TUSC3: variants seen among roughly 807,000 people sequenced by gnomAD.
TUSC3 encodes dolichyl-diphosphooligosaccharide--protein glycosyltransferase subunit TUSC3.
TUSC3 carries 45 observed loss-of-function variants against 44.8 expected under a neutral mutation model. The ratio of observed to expected loss-of-function variants is 1.00; its 90% CI spans 0.79 to 1.29. The LOEUF (loss-of-function observed/expected upper bound fraction) is 1.29, where lower values mean the gene tolerates loss of function less well. Ranked by LOEUF, TUSC3 falls within the 50% of genes most tolerant of loss-of-function variation. The pLI is 0.00. For synonymous variants in TUSC3, 212 were observed against 152.9 expected, an observed-to-expected ratio of 1.39 and a Z score of -2.85; for missense variants, 519 against 437.9, an observed-to-expected ratio of 1.19 and a Z score of -1.65.
At chr8:15,612,954 T>C (rs1252715580) in intron 1 of TUSC3, among the ~76,000 whole-genome samples, 1 of 151,810 alleles carries the variant, frequency 6.6e-6, no homozygotes, top group Non-Finnish European at 1.5e-5. Flanking sequence ...CAGTTAATGT[T>C]CACAGAAACA....
At chr8:15,525,311 A>G (rs1243081038) in intron 2 of TUSC3, among the ~76,000 whole-genome samples, 1 of 151,880 alleles carries the variant, frequency 6.6e-6, no homozygotes, top group Non-Finnish European at 1.5e-5. Context: ...TGGCTCTCTG[A>G]GACAAAGTTT....
intron 1 of TUSC3, among the ~76,000 whole-genome samples, chr8:15,599,745 G>C (rs1804208054): frequency 7.0e-6 from 1 of 143,404 alleles, no homozygotes; most frequent in African/African-American, 2.6e-5. Flanking sequence ...ATGTCAGTCT[G>C]TTTCTTAGCC....
intron 1 of TUSC3, among the ~76,000 whole-genome samples, chr8:15,417,590 C>T (rs983866324): frequency 6.6e-6 from 1 of 152,144 alleles, no homozygotes. Flanking sequence ...GCAATTTAAA[C>T]GCTTACTCTA....
exon 2 of TUSC3, chr8:15,483,403 C>T (rs1800689691): frequency 1.1e-5 from 2 of 184,980 alleles, no homozygotes; most frequent in South Asian, 1.1e-4. Context: ...TACAATGGCA[C>T]CATCTCGACT....
intron 1 of TUSC3, among the ~76,000 whole-genome samples, chr8:15,472,854 A>G (rs889176808): frequency 6.6e-6 from 1 of 152,216 alleles, no homozygotes; most frequent in African/African-American, 2.4e-5. Flanking sequence ...GAGAATGACT[A>G]TGTTTATGGT....
intron 2 of TUSC3, among the ~76,000 whole-genome samples, chr8:15,492,549 T>A (rs1800822812): frequency 6.6e-6 from 1 of 152,112 alleles, no homozygotes; most frequent in South Asian, 2.1e-4. Context: ...GAGACCTATT[T>A]CTGGAAGTGT....
chr8:15,775,663 C>T, the TUSC3 span, among the ~76,000 whole-genome samples: 1 of 145,182 alleles, frequency 6.9e-6, no homozygotes, highest in Admixed American at 6.9e-5. Flanking sequence ...CACACATATA[C>T]ATATATACAC....
chr8:15,566,609 G>T (rs7825421), intron 1 of TUSC3, among the ~76,000 whole-genome samples: 11,062 of 100,088 alleles, frequency 0.11, 625 homozygotes, highest in East Asian at 0.33. Context: ...ACATTTTTTT[G>T]TTGTTGTTGT....
chr8:15,483,121 T>C (rs1434071577), intron 1 of TUSC3, among the ~76,000 whole-genome samples: 1 of 152,162 alleles, frequency 6.6e-6, no homozygotes, highest in African/African-American at 2.4e-5. Context: ...AAAAGAATAA[T>C]TTGAGAGGAA....
chr8:15,827,765 C>T, the TUSC3 span, among the ~76,000 whole-genome samples: 2 of 152,050 alleles, frequency 1.3e-5, no homozygotes, highest in Non-Finnish European at 2.9e-5. Context: ...TCACTGATAA[C>T]TGATTTGGAT....
intron 6 of TUSC3, among the ~76,000 whole-genome samples, chr8:15,677,996 G>A (rs1247559747): frequency 6.6e-6 from 1 of 152,176 alleles, no homozygotes; most frequent in Non-Finnish European, 1.5e-5. Flanking sequence ...GGAGGTTAAG[G>A]AAACATGGGA....
In TUSC3 at chr8:15,553,644, G is replaced by A. The variant is rs140200960; in HGVS notation, c.138+13076G>A. Among the ~76,000 whole-genome samples the A allele has an allele frequency of 2.7e-3, 405 of 151,848 alleles. 3 individuals are homozygous for A. The highest frequency in any genetic ancestry group is 9.3e-3 in the African/African-American group (387 of 41,524). ...ATTTAGCAAGAACGGCTTCATTGCA[G>A]TGTTACAGTGAACACTAGAATGTGG... is the stretch of plus-strand genomic sequence containing the variant. On this transcript the variant is annotated intron_variant, in intron 1 of 10. Transcript: ENST00000503731.
At chr8:15,523,395 C>A (rs78236660) in intron 2 of TUSC3, among the ~76,000 whole-genome samples, 1 of 151,816 alleles carries the variant, frequency 6.6e-6, no homozygotes, top group Non-Finnish European at 1.5e-5. Context: ...TTGCAGTATC[C>A]TTTGTGTTTT....
Position 15,757,806 on chromosome 8 carries a change from G to T in TUSC3, c.1044G>T (p.Glu348Asp), listed in dbSNP as rs146362846. The change falls in exon 10 of 11, where the codon GAG becomes GAT. Residue 348 changes from glutamate (E) to aspartate (D), a missense_variant. Transcript: ENST00000503731. Reference sequence around the variant, plus strand: ...TATTGGAAAGTGATCTGGACTTTGAGTGAGAAGATGTGATTTGGACCATGG... The same window carrying T: ...TATTGGAAAGTGATCTGGACTTTGATTGAGAAGATGTGATTTGGACCATGG... Reference protein sequence around the residue: ...HGYPYSDLDFE With the variant: ...HGYPYSDLDFD 4.8e-5 allele frequency: 68 copies of T among 1,423,008 alleles called. No individual in the cohort carries two copies. The highest frequency in any genetic ancestry group is 6.5e-5 in the Non-Finnish European group (65 of 1,005,978). The allele number at this position is 1,423,008 out of a possible 1,614,324, so 88.1% of individuals were successfully genotyped here. A position where few individuals can be genotyped will look rare whatever the true frequency, so the allele number is the denominator to read the frequency against.
the TUSC3 span, among the ~76,000 whole-genome samples, chr8:15,840,055 T>G: frequency 2.6e-5 from 4 of 151,988 alleles, no homozygotes; most frequent in African/African-American, 9.7e-5. Context: ...CCATAAAAAA[T>G]GATGAGTTCA....
At chr8:15,640,763 C>G (rs898025130) in intron 2 of TUSC3, among the ~76,000 whole-genome samples, 1 of 152,026 alleles carries the variant, frequency 6.6e-6, no homozygotes, top group Non-Finnish European at 1.5e-5. Flanking sequence ...TCTCCTGGAT[C>G]CAAGGGGAGA....
rs539067073 is a variant in TUSC3 at position 15,503,098 on chromosome 8, A to G, written n.189+19615A>G. On this transcript the variant is annotated intron_variant and non_coding_transcript_variant, in intron 2 of 5. Transcript: ENST00000503191. ...TTATATGCTGAAGTCTTAAATCCCCAGAACCTCGGAATGTGAGTGTATTTG... is the reference window on the plus strand; with the variant it reads ...TTATATGCTGAAGTCTTAAATCCCCGGAACCTCGGAATGTGAGTGTATTTG... 2.2e-4 allele frequency among the ~76,000 whole-genome samples: 33 copies of G among 152,336 alleles called. No homozygotes were observed. In the South Asian group the frequency reaches 6.2e-3, roughly 29 times the overall value.
chr8:15,566,339 A>G lies in TUSC3; in HGVS notation c.138+25771A>G, dbSNP rs78555516. ...ATTAATTTTTTCCTGGAGCTCAGAA[A>G]CGGATTTTAGTGGTTGGCGTTTTGA... is the stretch of plus-strand genomic sequence containing the variant. On this transcript the variant is annotated intron_variant, in intron 1 of 10. Coordinates refer to ENST00000503731, the MANE Select transcript of TUSC3 (RefSeq NM_006765.4). Among the ~76,000 whole-genome samples, 14 of 152,216 alleles carry G rather than the reference A, an allele frequency of 9.2e-5. No homozygotes were observed. In the East Asian group the frequency reaches 2.3e-3, roughly 25 times the overall value.
chr8:15,572,710 G>A (rs78663734), intron 1 of TUSC3, among the ~76,000 whole-genome samples: 4,069 of 152,178 alleles, frequency 0.027, 176 homozygotes, highest in African/African-American at 0.092. Flanking sequence ...TGAACACCTA[G>A]AGGTCATTGT....
Sources: gnomAD v4.1 joint callset for allele counts (sites outside exome capture counted in the v4.1 genomes callset) on GRCh38, gnomAD v4.1.1 for gene constraint, MANE v1.5 for transcripts, NCBI Gene and HGNC (gene_info 2026-07-23, HGNC 2026-07-21) for gene names.